Variants in ZNF713 observed in about 807,000 individuals in gnomAD.
ZNF713 encodes zinc finger protein 713.
Under a neutral mutation model 28.7 loss-of-function variants are expected in ZNF713, and 21 were observed. That is an observed-to-expected ratio of 0.73 (90% CI 0.52 to 1.05). The LOEUF (loss-of-function observed/expected upper bound fraction) is 1.05, where lower values mean the gene tolerates loss of function less well. Among genes scored for constraint, ZNF713 ranks in the 50% least tolerant of loss-of-function variants. The pLI is 0.00. For missense variants in ZNF713, 458 were observed against 532.4 expected (o/e 0.86, Z 1.37); for synonymous variants, 167 against 178.0 (o/e 0.94, Z 0.49).
At position 55,891,513 on chromosome 7, in the gene ZNF713, CTAA is replaced by C. The variant is rs569903207; in HGVS notation, c.-583+3837_-583+3839del. Among the ~76,000 whole-genome samples the C allele has an allele frequency of 7.7e-3, 482 of 62,730 alleles. 6 individuals are homozygous for C. The highest frequency in any genetic ancestry group is 0.053 in the African/African-American group (467 of 8,886). The allele number at this position is 62,730 out of a possible 152,430, so 41.2% of individuals were successfully genotyped here. On this transcript the variant is annotated intron_variant, in intron 1 of 6. Coordinates refer to ENST00000429591, the MANE Select transcript of ZNF713 (RefSeq NM_182633.3). ...TGGGAAACATGGTGAGACCTGGTCG[CTAA>C]TAACAACAACAACAACAACAACAAC...
At chr7:55,920,809 C>T (rs189780623) in intron 4 of ZNF713, among the ~76,000 whole-genome samples, 308 of 151,870 alleles carry the variant, frequency 2.0e-3, no homozygotes, top group Non-Finnish European at 3.5e-3. Context: ...TTAGTAGAGA[C>T]GGGGTTTCAC....
At chr7:55,922,457 G>C (rs1562744589) in intron 4 of ZNF713, among the ~76,000 whole-genome samples, 1 of 150,774 alleles carries the variant, frequency 6.6e-6, no homozygotes, top group Non-Finnish European at 1.5e-5. Context: ...ACAATTGCTT[G>C]AACCTGGGAA....
chr7:55,919,155 A>T (rs926160249), intron 4 of ZNF713, among the ~76,000 whole-genome samples: 13 of 152,244 alleles, frequency 8.5e-5, no homozygotes, highest in Non-Finnish European at 1.8e-4. Context: ...AGAACTGTTA[A>T]ATATAAGTGA....
intron 4 of ZNF713, among the ~76,000 whole-genome samples, chr7:55,919,153 T>A (rs1386214318): frequency 6.6e-6 from 1 of 152,164 alleles, no homozygotes; most frequent in Non-Finnish European, 1.5e-5. Context: ...GAAGAACTGT[T>A]AAATATAAGT....
chr7:55,905,874 C>T (rs1293790163), intron 1 of ZNF713, among the ~76,000 whole-genome samples: 4 of 151,894 alleles, frequency 2.6e-5, no homozygotes, highest in African/African-American at 9.7e-5. Context: ...GAGACCGAGA[C>T]GGGCGCATCA....
chr7:55,887,732 AGGCGGGG>A lies in ZNF713; in HGVS notation c.-583+58_-583+64del, dbSNP rs1785279898. 9.4e-3 allele frequency: 30 copies of A among 3,192 alleles called. 11 individuals carry two copies. Among genetic ancestry groups the A allele is most frequent in the South Asian group, 0.03 (5 of 166 alleles). 0.2% of individuals were successfully genotyped at this position (3,192 alleles called of 1,614,324 possible). On this transcript the variant is annotated intron_variant, in intron 1 of 6. Coordinates refer to ENST00000429591, the MANE Select transcript of ZNF713 (RefSeq NM_182633.3). ...GGCGGGAGGCGGAGGCGGGGGGCGG[AGGCGGGG>A]GGCGGAGGCGGGGGGCGGAGGCGGG...
At chr7:55,925,508 C>T (rs886082754) in intron 6 of ZNF713, among the ~76,000 whole-genome samples, 1 of 152,118 alleles carries the variant, frequency 6.6e-6, no homozygotes, top group Non-Finnish European at 1.5e-5. Flanking sequence ...GTAGTCCTAG[C>T]TACCTGGGAG....
At position 55,899,236 on chromosome 7, in the gene ZNF713, C is replaced by T. The variant is rs1467009217; in HGVS notation, c.-582-7017C>T. On this transcript the variant is annotated intron_variant, in intron 1 of 6. Coordinates refer to ENST00000429591, the MANE Select transcript of ZNF713 (RefSeq NM_182633.3). Reference sequence around the variant, plus strand: ...GGCATGGTGGCGGGCACCTGTAGTCCCAGCTACTTGGGAGGCTGAGGCAGG... The same window carrying T: ...GGCATGGTGGCGGGCACCTGTAGTCTCAGCTACTTGGGAGGCTGAGGCAGG... Among the ~76,000 whole-genome samples, 5 of 151,616 alleles carry T rather than the reference C, an allele frequency of 3.3e-5. No homozygotes were observed. The East Asian group carries it at 9.7e-4, about 29-fold the overall frequency.
chr7:55,910,628 T>C (rs1363310375), intron 2 of ZNF713, among the ~76,000 whole-genome samples: 1 of 152,074 alleles, frequency 6.6e-6, no homozygotes, highest in Non-Finnish European at 1.5e-5. Context: ...CCCAAGTAGT[T>C]GGGACTACAG....
chr7:55,939,386 A>G lies in ZNF713; in HGVS notation c.712A>G (p.Ser238Gly). ...TGTAAGAGAGACTCCCTATGAATATAGTGAGTGTGGAAAAATCTTCAATCA... is the reference window on the plus strand; with the variant it reads ...TGTAAGAGAGACTCCCTATGAATATGGTGAGTGTGGAAAAATCTTCAATCA... ...NYVRETPYEY[S>G]ECGKIFNQHI... The change falls in exon 7 of 7, where the codon AGT (serine) becomes GGT (glycine). Residue 238 changes from serine (S) to glycine (G), a missense_variant. Coordinates refer to ENST00000429591, the MANE Select transcript of ZNF713 (RefSeq NM_182633.3). The G allele has an allele frequency of 6.2e-7, 1 of 1,613,914 alleles. No individual in the cohort carries two copies. The highest frequency in any genetic ancestry group is 8.5e-7 in the Non-Finnish European group (1 of 1,180,002).
chr7:55,891,928 A>T (rs1008804289), intron 1 of ZNF713, among the ~76,000 whole-genome samples: 1 of 152,196 alleles, frequency 6.6e-6, no homozygotes, highest in Admixed American at 6.6e-5. Flanking sequence ...GTAAATCTCA[A>T]CTAAGATAGA....
chr7:55,933,287 T>C (rs1786279532), intron 6 of ZNF713, among the ~76,000 whole-genome samples: 1 of 152,130 alleles, frequency 6.6e-6, no homozygotes, highest in South Asian at 2.1e-4. Flanking sequence ...GGCCTACTTT[T>C]ACTCCTGTAA....
chr7:55,887,896 C>T (rs867757183), intron 1 of ZNF713, among the ~76,000 whole-genome samples: 3,772 of 82,230 alleles, frequency 0.046, 1,039 homozygotes, highest in African/African-American at 0.18. Context: ...CGGGCGGCGG[C>T]GGCGGCGGGA....
At chr7:55,900,072 G>A (rs1785545387) in intron 1 of ZNF713, among the ~76,000 whole-genome samples, 1 of 152,134 alleles carries the variant, frequency 6.6e-6, no homozygotes, top group South Asian at 2.1e-4. Context: ...GAATTGAAAT[G>A]GGTATGCCAA....
intron 4 of ZNF713, among the ~76,000 whole-genome samples, chr7:55,913,851 C>T (rs1785832013): frequency 6.6e-6 from 1 of 152,230 alleles, no homozygotes; most frequent in South Asian, 2.1e-4. Flanking sequence ...GGGGCTCATG[C>T]CTGTAATCCC....
rs775909225 is a variant in ZNF713, at chr7:55,912,644, C to A, written c.8C>A (p.Ser3Tyr). The change falls in exon 4 of 7, where the codon TCT becomes TAT. Residue 3 changes from serine to tyrosine, a missense_variant. Ser to Tyr is a moderately radical substitution (Grantham distance 144, BLOSUM62 -2). Transcript: ENST00000429591. Reference sequence around the variant, plus strand: ...CTTCTCTTTTTCCTAGTTATGCCTTCTCAGAATGCTGTTTTTTCTCAGGAG... The same window carrying A: ...CTTCTCTTTTTCCTAGTTATGCCTTATCAGAATGCTGTTTTTTCTCAGGAG... MP[S>Y]QNAVFSQEGN... 1 of 1,611,476 alleles carries A rather than the reference C, an allele frequency of 6.2e-7. No homozygotes were observed.
At chr7:55,937,579 A>G (rs10215328) in intron 6 of ZNF713, among the ~76,000 whole-genome samples, 3,084 of 152,208 alleles carry the variant, frequency 0.02, 101 homozygotes, top group African/African-American at 0.07. Context: ...GTTTGTGACA[A>G]TGTAACAGTA....
intron 4 of ZNF713, among the ~76,000 whole-genome samples, chr7:55,920,238 G>A (rs1405735435): frequency 6.6e-6 from 1 of 152,182 alleles, no homozygotes; most frequent in African/African-American, 2.4e-5. Context: ...CTTTGAAACT[G>A]ATTAAGATTA....
chr7:55,935,883 A>C (rs1404235109), intron 6 of ZNF713, among the ~76,000 whole-genome samples: 1 of 152,024 alleles, frequency 6.6e-6, no homozygotes, highest in Non-Finnish European at 1.5e-5. Context: ...TGAACCTGGG[A>C]GGCAGCGCTT....
Sources: allele counts gnomAD v4.1 joint callset (sites outside exome capture counted in the v4.1 genomes callset), GRCh38; gene constraint gnomAD v4.1.1; transcripts MANE v1.5; gene names NCBI Gene and HGNC (gene_info 2026-07-23, HGNC 2026-07-21).